TTC8: variants seen among roughly 807,000 people sequenced by gnomAD.
TTC8 encodes the protein tetratricopeptide repeat protein 8.
In TTC8, 47 loss-of-function variants were observed where a neutral mutation model predicts 72.5. The ratio of observed to expected loss-of-function variants is 0.65; its 90% CI spans 0.51 to 0.83. The LOEUF (loss-of-function observed/expected upper bound fraction) is 0.83. Ranked by LOEUF, TTC8 falls within the 40% of genes least tolerant of loss-of-function variation. TTC8 has a pLI of 0.00. For synonymous variants in TTC8, 199 were observed against 221.4 expected, an observed-to-expected ratio of 0.90 and a Z score of 0.90; for missense variants, 611 against 623.2, an observed-to-expected ratio of 0.98 and a Z score of 0.21.
In TTC8 at chr14:88,824,728, G is replaced by C. The variant is rs1330088401; in HGVS notation, c.21G>C (p.Pro7=). 2 of 1,610,036 alleles carry C rather than the reference G, an allele frequency of 1.2e-6. No individual in the cohort carries two copies. The highest frequency in any genetic ancestry group is 1.7e-6 in the Non-Finnish European group (2 of 1,178,564). The change falls in exon 1 of 15, where the codon CCG becomes CCC. Residue 7 remains proline, a synonymous_variant. Transcript: ENST00000380656. MSSEME[P]LLLAWSYFRR... is the part of the protein sequence containing the mutation. Reference sequence around the variant, plus strand: ...CAGCCATGAGCTCGGAGATGGAGCCGCTGCTCCTGGCCTGGAGCTATTTTA... The same window carrying C: ...CAGCCATGAGCTCGGAGATGGAGCCCCTGCTCCTGGCCTGGAGCTATTTTA...
chr14:88,825,876 CGT>C (rs1293052125), intron 1 of TTC8, among the ~76,000 whole-genome samples: 2 of 152,128 alleles, frequency 1.3e-5, no homozygotes, highest in South Asian at 2.1e-4. Flanking sequence ...GAACAGCCTA[CGT>C]TAGTGGTAAT....
At chr14:88,856,458 T>G (rs538087728) in intron 8 of TTC8, among the ~76,000 whole-genome samples, 5 of 152,154 alleles carry the variant, frequency 3.3e-5, no homozygotes, top group Non-Finnish European at 7.4e-5. Flanking sequence ...AGCTAAAAAA[T>G]GAGTGGTTAT....
chr14:88,876,903 TTC>T (rs1446286889), intron 14 of TTC8, among the ~76,000 whole-genome samples: 1 of 152,204 alleles, frequency 6.6e-6, no homozygotes, highest in Non-Finnish European at 1.5e-5. Flanking sequence ...TCTCTAAGTT[TTC>T]TGAGCTATCT....
At position 88,856,065 on chromosome 14, in the gene TTC8, C is replaced by A. The variant is rs149973447; in HGVS notation, c.711-1125C>A. Among the ~76,000 whole-genome samples the A allele has an allele frequency of 3.0e-3, 461 of 152,320 alleles. 2 individuals carry two copies. Among genetic ancestry groups the A allele is most frequent in the African/African-American group, 0.011 (445 of 41,568 alleles). Reference sequence around the variant, plus strand: ...CACCATTGCCCTCCAGCCTGGGCGACAGAGACTCTATCTCAAAAGAAAGAA... The same window carrying A: ...CACCATTGCCCTCCAGCCTGGGCGAAAGAGACTCTATCTCAAAAGAAAGAA... On this transcript the variant is annotated intron_variant, in intron 8 of 14. Transcript: ENST00000380656.
intron 8 of TTC8, 72 bp from the exon 9 acceptor site, chr14:88,857,118 A>T (rs967253212): frequency 1.5e-6 from 2 of 1,314,686 alleles, no homozygotes; most frequent in African/African-American, 1.4e-5. Flanking sequence ...ATTTGTCTCT[A>T]TTCATCCTCA....
chr14:88,825,976 T>A (rs921608118), intron 1 of TTC8, among the ~76,000 whole-genome samples: 16 of 151,186 alleles, frequency 1.1e-4, no homozygotes, highest in African/African-American at 3.2e-4. Context: ...TTTTAAATTT[T>A]TTTTATTTTT....
intron 2 of TTC8, among the ~76,000 whole-genome samples, chr14:88,836,503 A>AT (rs1236512656): frequency 2.9e-4 from 44 of 151,886 alleles, no homozygotes; most frequent in Admixed American, 3.9e-4. Context: ...AAAAAAAAAA[A>AT]AAAAAGTTCC....
At chr14:88,841,885 G>A (rs1327937080) in intron 6 of TTC8, among the ~76,000 whole-genome samples, 1 of 152,016 alleles carries the variant, frequency 6.6e-6, no homozygotes, top group Non-Finnish European at 1.5e-5. Flanking sequence ...ATCCTTGTAG[G>A]TTTTTTAGGA....
In TTC8 at chr14:88,833,894, A is replaced by C. The variant is rs755763168; in HGVS notation, c.144+172A>C. 4 of 657,066 alleles carry C rather than the reference A, an allele frequency of 6.1e-6. No homozygotes were observed. In the Admixed American group the frequency reaches 9.5e-5, roughly 16 times the overall value. 40.7% of individuals were successfully genotyped at this position (657,066 alleles called of 1,614,324 possible). ...ATGTAAATAAATGATTATATTTTCA[A>C]TACTTTTGTGTATATTGATAGCCTT... On this transcript the variant is annotated intron_variant, in intron 2 of 14. Transcript: ENST00000380656.
At chr14:88,840,746 A>G (rs1248039562) in intron 3 of TTC8, 119 bp from the exon 4 acceptor site, 10 of 950,806 alleles carry the variant, frequency 1.1e-5, no homozygotes, top group Non-Finnish European at 1.7e-5. Context: ...CCTAAAATAC[A>G]TTTCTTGCTA....
At chr14:88,876,083 C>T (rs1002318615) in intron 14 of TTC8, among the ~76,000 whole-genome samples, 1 of 152,322 alleles carries the variant, frequency 6.6e-6, no homozygotes, top group African/African-American at 2.4e-5. Context: ...TAAAAGACTT[C>T]TGCGTCCCTT....
At chr14:88,846,512 G>A in intron 7 of TTC8, 1 of 662,730 alleles carries the variant, frequency 1.5e-6, no homozygotes, top group Non-Finnish European at 2.5e-6. Context: ...GGCCTGTGAG[G>A]GGGAAGAGTT....
At chr14:88,872,278 G>A (rs1445436385) in intron 12 of TTC8, 52 bp from the exon 13 acceptor site, 33 of 1,610,412 alleles carry the variant, frequency 2.0e-5, no homozygotes, top group Non-Finnish European at 2.6e-5. Context: ...AGGAAAGAAG[G>A]GAGGAGGAAG....
At chr14:88,852,149 A>C (rs2094836561) in intron 7 of TTC8, among the ~76,000 whole-genome samples, 1 of 152,220 alleles carries the variant, frequency 6.6e-6, no homozygotes, top group Non-Finnish European at 1.5e-5. Flanking sequence ...AGCTTCTATT[A>C]ATCACATCTT....
intron 10 of TTC8, among the ~76,000 whole-genome samples, chr14:88,862,054 A>G (rs930540482): frequency 3.3e-5 from 5 of 152,146 alleles, no homozygotes; most frequent in African/African-American, 1.2e-4. Flanking sequence ...TGGAACCTCC[A>G]TACTGTTTTC....
downstream of TTC8, chr14:88,878,676 A>G (rs947057931): frequency 3.9e-5 from 6 of 152,222 alleles, no homozygotes; most frequent in African/African-American, 7.2e-5. Flanking sequence ...CTCAGGTACT[A>G]TCACATTTCC....
rs144284976 is a variant in TTC8, at chr14:88,870,412, C to T, written c.1049+214C>T. Among the ~76,000 whole-genome samples the T allele has an allele frequency of 3.5e-3, 539 of 152,328 alleles. 15 individuals are homozygous for T. In the South Asian group the frequency reaches 0.07, roughly 20 times the overall value. ...CATCTTGCAGAAACACACTGGACAA[C>T]TGACTGAGTTTTAAACCTCATTGTC... On this transcript the variant is annotated intron_variant, in intron 11 of 14. Transcript: ENST00000380656.
intron 1 of TTC8, among the ~76,000 whole-genome samples, chr14:88,826,407 T>C (rs1244040344): frequency 6.6e-6 from 1 of 151,882 alleles, no homozygotes; most frequent in Non-Finnish European, 1.5e-5. Context: ...AGAAGCTTGT[T>C]AAGAACCTTT....
At chr14:88,859,771 C>T (rs1025789772) in intron 9 of TTC8, among the ~76,000 whole-genome samples, 6 of 132,720 alleles carry the variant, frequency 4.5e-5, no homozygotes, top group Non-Finnish European at 9.8e-5. Flanking sequence ...AATATATATA[C>T]ATATGAAATT....
Sources: allele counts gnomAD v4.1 joint callset (sites outside exome capture counted in the v4.1 genomes callset), GRCh38; gene constraint gnomAD v4.1.1; transcripts MANE v1.5; gene names NCBI Gene and HGNC (gene_info 2026-07-23, HGNC 2026-07-21).